The following DCLK1 variants were observed in gnomAD, a reference collection of about 807,000 sequenced individuals.
DCLK1 encodes the protein doublecortin like kinase 1.
Under a neutral mutation model 86.2 loss-of-function variants are expected in DCLK1, and 16 were observed. The ratio of observed to expected loss-of-function variants is 0.19; its 90% CI spans 0.13 to 0.28. DCLK1 has a LOEUF of 0.28. Ranked by LOEUF, DCLK1 falls within the 10% of genes least tolerant of loss-of-function variation. The probability of loss-of-function intolerance (pLI) is 1.00; values close to 1 mark genes in which losing one functional copy is unlikely to be tolerated. For synonymous variants in DCLK1, 369 were observed against 370.5 expected, an observed-to-expected ratio of 1.00 and a Z score of 0.05; for missense variants, 590 against 940.2, an observed-to-expected ratio of 0.63 and a Z score of 4.87.
intron 4 of DCLK1, among the ~76,000 whole-genome samples, chr13:35,926,255 G>A (rs187236824): frequency 4.2e-5 from 5 of 119,604 alleles, no homozygotes; most frequent in East Asian, 4.3e-4. Flanking sequence ...GATGGGTTTC[G>A]CCATGTTGGC....
At chr13:35,795,318 C>T (rs2086786017) in intron 15 of DCLK1, among the ~76,000 whole-genome samples, 1 of 152,118 alleles carries the variant, frequency 6.6e-6, no homozygotes, top group Non-Finnish European at 1.5e-5. Context: ...AGTTTATGTG[C>T]CATGGTAATG....
At chr13:35,978,921 A>G (rs962725449) in intron 3 of DCLK1, among the ~76,000 whole-genome samples, 1 of 152,222 alleles carries the variant, frequency 6.6e-6, no homozygotes, top group Non-Finnish European at 1.5e-5. Flanking sequence ...CCTTACTAGT[A>G]AGAGTAATAA....
intron 3 of DCLK1, among the ~76,000 whole-genome samples, chr13:36,072,077 T>C (rs2153161582): frequency 6.6e-6 from 1 of 152,330 alleles, no homozygotes; most frequent in Middle Eastern, 3.4e-3. Flanking sequence ...CATTTCTTCC[T>C]GAAAGACTTG....
chr13:35,978,184 T>TTTTTTTTTC (rs1879445349), intron 3 of DCLK1, among the ~76,000 whole-genome samples: 1 of 107,926 alleles, frequency 9.3e-6, no homozygotes, highest in African/African-American at 2.8e-5. Flanking sequence ...GAGTTCCAGT[T>TTTTTTTTTC]TTTTTTTTCT....
At chr13:35,945,933 T>C (rs910646477) in intron 4 of DCLK1, among the ~76,000 whole-genome samples, 1 of 152,146 alleles carries the variant, frequency 6.6e-6, no homozygotes, top group African/African-American at 2.4e-5. Flanking sequence ...ACATGACACA[T>C]CTATTTATAT....
intron 11 of DCLK1, among the ~76,000 whole-genome samples, chr13:35,814,814 AC>A (rs2087232614): frequency 6.6e-6 from 1 of 152,344 alleles, no homozygotes; most frequent in African/African-American, 2.4e-5. Flanking sequence ...ATTGTACAAC[AC>A]TAATTGAATG....
intron 4 of DCLK1, among the ~76,000 whole-genome samples, chr13:35,938,063 C>T (rs1876860818): frequency 1.3e-5 from 2 of 152,056 alleles, no homozygotes; most frequent in African/African-American, 4.8e-5. Context: ...AGACAAGGGA[C>T]TATCATTGAT....
At chr13:35,860,605 A>C (rs1258474797) in intron 5 of DCLK1, among the ~76,000 whole-genome samples, 2 of 152,170 alleles carry the variant, frequency 1.3e-5, no homozygotes, top group Non-Finnish European at 2.9e-5. Context: ...AAATACTTAC[A>C]AAGGCTCCAA....
chr13:35,914,715 CAAA>C (rs575665168), intron 4 of DCLK1, among the ~76,000 whole-genome samples: 6 of 105,134 alleles, frequency 5.7e-5, no homozygotes, highest in African/African-American at 3.6e-5. Flanking sequence ...GATTCTATCT[CAAA>C]AAAAAAAAAA....
intron 3 of DCLK1, among the ~76,000 whole-genome samples, chr13:35,997,409 G>C (rs1367534521): frequency 6.6e-6 from 1 of 152,170 alleles, no homozygotes; most frequent in African/African-American, 2.4e-5. Context: ...TTGCTTTGGA[G>C]GCAAAGAACA....
chr13:35,921,280 G>C (rs754564704), intron 4 of DCLK1, among the ~76,000 whole-genome samples: 1 of 151,982 alleles, frequency 6.6e-6, no homozygotes, highest in East Asian at 1.9e-4. Context: ...GGATTTCCCA[G>C]TTCCTCAGCT....
At chr13:35,916,730 G>A (rs1875436256) in intron 4 of DCLK1, among the ~76,000 whole-genome samples, 1 of 152,052 alleles carries the variant, frequency 6.6e-6, no homozygotes, top group Non-Finnish European at 1.5e-5. Flanking sequence ...TATTACATAT[G>A]TGATGGTGAA....
chr13:35,828,265 G>T lies in DCLK1; in HGVS notation c.1272C>A (p.Ser424Arg). The change falls in exon 9 of 17, where the codon AGC (serine) becomes AGA (arginine). Residue 424 changes from serine (S) to arginine (R), a missense_variant. By Grantham distance (110) the Ser-to-Arg change is moderately radical. Coordinates refer to ENST00000360631, the MANE Select transcript of DCLK1 (RefSeq NM_001330071.2). ...TTATACATACTTTGCCTCGACATTTGCTTTTCTTGATAATTTTCAGAGCAT... is the reference window on the plus strand; with the variant it reads ...TTATACATACTTTGCCTCGACATTTTCTTTTCTTGATAATTTTCAGAGCAT... ...REYALKIIKK[S>R]KCRGKEHMIQ... The T allele has an allele frequency of 6.2e-7, 1 of 1,610,314 alleles. No homozygotes were observed.
intron 6 of DCLK1, among the ~76,000 whole-genome samples, chr13:35,853,079 C>T (rs547646675): frequency 3.3e-5 from 5 of 152,276 alleles, no homozygotes; most frequent in Admixed American, 6.5e-5. Context: ...AATGACCGAC[C>T]AGCTCTTCCT....
chr13:35,821,108 T>C (rs1205004732), intron 11 of DCLK1, among the ~76,000 whole-genome samples: 1 of 152,172 alleles, frequency 6.6e-6, no homozygotes, highest in Admixed American at 6.5e-5. Context: ...CCTTGGCTCT[T>C]CTACTTAAGA....
chr13:35,918,481 T>C (rs10454600), intron 4 of DCLK1, among the ~76,000 whole-genome samples: 661 of 152,284 alleles, frequency 4.3e-3, no homozygotes, highest in Non-Finnish European at 7.9e-3. Flanking sequence ...ATGACACTTA[T>C]TGCATAGTAG....
rs917539915 is a variant in DCLK1, at chr13:36,035,673, G to A, written c.723+76196C>T. ...CCTCCCTCAGCCTCCCGAGCAGCTGGGACCACAGGCAAAAGCCACCATGCT... is the reference window on the plus strand; with the variant it reads ...CCTCCCTCAGCCTCCCGAGCAGCTGAGACCACAGGCAAAAGCCACCATGCT... On this transcript the variant is annotated intron_variant, in intron 3 of 16. Transcript: ENST00000360631. Among the ~76,000 whole-genome samples, 5 of 152,148 alleles carry A rather than the reference G, an allele frequency of 3.3e-5. No homozygotes were observed. In the South Asian group the frequency reaches 6.2e-4, roughly 19 times the overall value.
chr13:35,794,533 G>A (rs1003056220), intron 15 of DCLK1, among the ~76,000 whole-genome samples: 5 of 152,136 alleles, frequency 3.3e-5, no homozygotes, highest in African/African-American at 7.2e-5. Context: ...CCTCCACATG[G>A]CATTTGCTTT....
intron 2 of DCLK1, among the ~76,000 whole-genome samples, chr13:36,112,802 C>A (rs907936400): frequency 2.0e-5 from 3 of 152,204 alleles, no homozygotes; most frequent in Non-Finnish European, 4.4e-5. Context: ...AAGGTCAATT[C>A]ATACTTGTTC....
Sources: allele counts gnomAD v4.1 joint callset (sites outside exome capture counted in the v4.1 genomes callset), GRCh38; gene constraint gnomAD v4.1.1; transcripts MANE v1.5; gene names NCBI Gene and HGNC (gene_info 2026-07-23, HGNC 2026-07-21).